The following LRMDA variants were observed in gnomAD, a reference collection of about 807,000 sequenced individuals.
LRMDA encodes leucine-rich melanocyte differentiation-associated protein.
A neutral mutation model predicts 29.8 loss-of-function variants in LRMDA; 18 were observed. The ratio of observed to expected loss-of-function variants is 0.60; its 90% CI spans 0.42 to 0.90. The LOEUF (loss-of-function observed/expected upper bound fraction) is 0.90. Ranked by LOEUF, LRMDA falls within the 40% of genes least tolerant of loss-of-function variation. LRMDA has a pLI of 0.00. For synonymous variants in LRMDA, 125 were observed against 109.4 expected (o/e 1.14, Z -0.89); for missense variants, 273 against 273.9 (o/e 1.00, Z 0.02).
intron 6 of LRMDA, among the ~76,000 whole-genome samples, chr10:76,507,569 T>C (rs1842971446): frequency 6.6e-6 from 1 of 152,162 alleles, no homozygotes; most frequent in African/African-American, 2.4e-5. Flanking sequence ...AAATATTTGC[T>C]AAGATTGTTA....
rs192618222 is a variant in LRMDA, at chr10:75,959,505, G to A, written c.132-76503G>A. Among the ~76,000 whole-genome samples the A allele has an allele frequency of 2.8e-4, 34 of 119,314 alleles. No individual in the cohort carries two copies. The East Asian group carries it at 2.9e-3, about 10-fold the overall frequency. 78.3% of individuals were successfully genotyped at this position (119,314 alleles called of 152,430 possible). On this transcript the variant is annotated intron_variant, in intron 2 of 6. Coordinates refer to ENST00000611255, the MANE Select transcript of LRMDA (RefSeq NM_001305581.2). ...GCAAAGCACACATATGCACATGTGC[G>A]CGCACGTGCATGCACACACACACAC...
At chr10:75,846,881 C>T (rs898011978) in intron 2 of LRMDA, among the ~76,000 whole-genome samples, 1 of 152,064 alleles carries the variant, frequency 6.6e-6, no homozygotes, top group South Asian at 2.1e-4. Flanking sequence ...TGGAAAGATA[C>T]CCTATGTACA....
intron 1 of LRMDA, among the ~76,000 whole-genome samples, chr10:75,433,969 A>G (rs567003570): frequency 3.9e-5 from 6 of 152,244 alleles, no homozygotes; most frequent in African/African-American, 1.4e-4. Context: ...CCACAGGCCT[A>G]TGATGCCACA....
chr10:76,233,827 T>C (rs1852102450), intron 5 of LRMDA, among the ~76,000 whole-genome samples: 1 of 152,256 alleles, frequency 6.6e-6, no homozygotes, highest in African/African-American at 2.4e-5. Context: ...GCTTCTCTTC[T>C]AATTCTGGTT....
At chr10:75,903,415 T>C (rs7085352) in intron 2 of LRMDA, among the ~76,000 whole-genome samples, 95,679 of 152,158 alleles carry the variant, frequency 0.63, 32,989 homozygotes, top group East Asian at 0.93. Context: ...TCATTACTAT[T>C]GCCATTATTG....
At chr10:75,639,376 G>C (rs1841425203) in intron 2 of LRMDA, among the ~76,000 whole-genome samples, 1 of 152,160 alleles carries the variant, frequency 6.6e-6, no homozygotes, top group African/African-American at 2.4e-5. Context: ...TGCTGGTAAG[G>C]GTGGAGATGA....
At chr10:76,057,546 T>C (rs933959753) in intron 4 of LRMDA, among the ~76,000 whole-genome samples, 1 of 152,132 alleles carries the variant, frequency 6.6e-6, no homozygotes, top group Non-Finnish European at 1.5e-5. Flanking sequence ...AATGTTAGAC[T>C]GTAAGGTGCT....
At chr10:75,805,309 G>C (rs1221234757) in intron 2 of LRMDA, among the ~76,000 whole-genome samples, 1 of 152,192 alleles carries the variant, frequency 6.6e-6, no homozygotes, top group Non-Finnish European at 1.5e-5. Context: ...GAATTCAAAG[G>C]CCAAGCTGCC....
intron 2 of LRMDA, among the ~76,000 whole-genome samples, chr10:75,646,767 G>A (rs756677732): frequency 4.6e-5 from 7 of 152,166 alleles, no homozygotes; most frequent in Non-Finnish European, 7.3e-5. Context: ...ATAAACAGAC[G>A]AGTGCGAATT....
chr10:76,115,879 C>A (rs1447757297), intron 5 of LRMDA, among the ~76,000 whole-genome samples: 1 of 152,068 alleles, frequency 6.6e-6, no homozygotes, highest in Non-Finnish European at 1.5e-5. Context: ...CAGATGGAGC[C>A]GGCGACCTTT....
intron 2 of LRMDA, among the ~76,000 whole-genome samples, chr10:75,670,941 C>G (rs1320697586): frequency 1.3e-5 from 2 of 152,106 alleles, no homozygotes; most frequent in African/African-American, 2.4e-5. Flanking sequence ...TGCACGATCT[C>G]TCTTCTTCCC....
chr10:76,042,233 TGGATTTGGG>T (rs532662499), intron 3 of LRMDA, among the ~76,000 whole-genome samples: 51 of 152,290 alleles, frequency 3.3e-4, no homozygotes, highest in African/African-American at 1.2e-3. Context: ...CTGCCTGGTG[TGGATTTGGG>T]GGAGACCACC....
At chr10:75,693,277 A>T (rs886163986) in intron 2 of LRMDA, among the ~76,000 whole-genome samples, 2 of 152,170 alleles carry the variant, frequency 1.3e-5, no homozygotes, top group African/African-American at 4.8e-5. Context: ...CTATTTGTGC[A>T]ATGTTTTATG....
chr10:75,853,014 G>A (rs1208867584), intron 2 of LRMDA, among the ~76,000 whole-genome samples: 1 of 152,100 alleles, frequency 6.6e-6, no homozygotes, highest in Non-Finnish European at 1.5e-5. Context: ...AGGGGGAAAA[G>A]CCCCTTATAA....
chr10:75,782,298 T>G (rs1564566528), intron 2 of LRMDA, among the ~76,000 whole-genome samples: 1 of 151,400 alleles, frequency 6.6e-6, no homozygotes, highest in Non-Finnish European at 1.5e-5. Context: ...TGTGTGGGGG[T>G]GTGTGTGTGT....
rs190064814 is a variant in LRMDA, at chr10:75,748,218, C to G, written c.132-287790C>G. On this transcript the variant is annotated intron_variant, in intron 2 of 6. Coordinates refer to ENST00000611255, the MANE Select transcript of LRMDA (RefSeq NM_001305581.2). ...AAGTGATTTTCCTGCCTCAGCCTCC[C>G]GAGCAGCTGGGATTATAGGCACACA... 4.6e-5 allele frequency among the ~76,000 whole-genome samples: 7 copies of G among 152,004 alleles called. No homozygotes were observed. The South Asian group carries it at 8.3e-4, about 18-fold the overall frequency.
chr10:75,713,073 CT>C (rs1029883013), intron 2 of LRMDA, among the ~76,000 whole-genome samples: 1 of 152,140 alleles, frequency 6.6e-6, no homozygotes, highest in African/African-American at 2.4e-5. Context: ...ATGCACACTT[CT>C]TTTGTGCAGG....
intron 2 of LRMDA, among the ~76,000 whole-genome samples, chr10:75,463,809 A>G (rs888982583): frequency 6.6e-6 from 1 of 152,130 alleles, no homozygotes; most frequent in African/African-American, 2.4e-5. Context: ...CTAGGATTAC[A>G]GGCATGTGCT....
At chr10:75,598,340 A>C (rs1167898026) in intron 2 of LRMDA, among the ~76,000 whole-genome samples, 2 of 152,124 alleles carry the variant, frequency 1.3e-5, no homozygotes, top group African/African-American at 4.8e-5. Context: ...ATGGCTCGCT[A>C]ATAAACACAA....
Sources: allele counts gnomAD v4.1 joint callset (sites outside exome capture counted in the v4.1 genomes callset), GRCh38; gene constraint gnomAD v4.1.1; transcripts MANE v1.5; gene names NCBI Gene and HGNC (gene_info 2026-07-23, HGNC 2026-07-21).